Variants in MBP observed in about 807,000 individuals in gnomAD.
MBP encodes the protein Golli-MBP.
A neutral mutation model predicts 35.8 loss-of-function variants in MBP; 16 were observed. The ratio of observed to expected loss-of-function variants is 0.45; its 90% CI spans 0.30 to 0.68. MBP has a LOEUF of 0.68. Among genes scored for constraint, MBP ranks in the 30% least tolerant of loss-of-function variants. The probability of loss-of-function intolerance (pLI) is 0.08; values close to 1 mark genes in which losing one functional copy is unlikely to be tolerated. For synonymous variants in MBP, 143 were observed against 159.6 expected (o/e 0.90, Z 0.78); for missense variants, 380 against 404.7 (o/e 0.94, Z 0.52).
At chr18:76,987,045 T>A (rs911787218) in intron 7 of MBP, 5 of 985,232 alleles carry the variant, frequency 5.1e-6, no homozygotes. Context: ...AAAGAGAAAT[T>A]CAACAGACAT....
chr18:77,122,903 A>G (rs1175554634), intron 1 of MBP, among the ~76,000 whole-genome samples: 1 of 152,000 alleles, frequency 6.6e-6, no homozygotes, highest in Non-Finnish European at 1.5e-5. Context: ...AGTCTACTCT[A>G]CTCCTCTACC....
At chr18:77,019,032 TCATCCATC>T (rs10526394) in intron 3 of MBP, among the ~76,000 whole-genome samples, 19,968 of 138,548 alleles carry the variant, frequency 0.14, 1,670 homozygotes, top group South Asian at 0.26. Context: ...ACCTACCTGT[TCATCCATC>T]CATCCATCCA....
rs192710079 is a variant in MBP at position 77,029,885 on chromosome 18, C to G, written c.140-12617G>C. Among the ~76,000 whole-genome samples the G allele has an allele frequency of 1.1e-4, 17 of 152,140 alleles. No individual in the cohort carries two copies. In the East Asian group the frequency reaches 3.1e-3, roughly 28 times the overall value. ...TTTAGCCCGGAAACTAATAATTTTC[C>G]TGGCTCAAAAATCCAGGTTTCCAGC... On this transcript the variant is annotated intron_variant, in intron 3 of 8. Coordinates refer to ENST00000355994, the MANE Select transcript of MBP (RefSeq NM_001025101.2).
rs1352787306 is a variant in MBP at position 76,984,898 on chromosome 18, C to T, written c.751-4G>A. 2.5e-6 allele frequency: 4 copies of T among 1,612,846 alleles called. No homozygotes were observed. Among genetic ancestry groups the T allele is most frequent in the African/African-American group, 1.3e-5 (1 of 74,928 alleles). On this transcript the variant is annotated splice_polypyrimidine_tract_variant and splice_region_variant and intron_variant, in intron 7 of 8. Coordinates refer to ENST00000355994, the MANE Select transcript of MBP (RefSeq NM_001025101.2). ...CTGGTCTCTGGCCTTCGGCCCCCTG[C>T]AAGAGAAGACCACGGAGCTCAACCT...
chr18:77,122,210 C>T (rs140224740), intron 1 of MBP, among the ~76,000 whole-genome samples: 143 of 152,268 alleles, frequency 9.4e-4, no homozygotes, highest in African/African-American at 3.4e-3. Context: ...CATGTTTTAA[C>T]AGTTTTCCAG....
rs1347025299 is a variant in MBP, at chr18:77,044,468, T to A, written c.139+21830A>T. Among the ~76,000 whole-genome samples, 1 of 152,012 alleles carries A rather than the reference T, an allele frequency of 6.6e-6. No homozygotes were observed. The highest frequency in any genetic ancestry group is 2.4e-5 in the African/African-American group (1 of 41,398). ...TGCTGTCCTCCTTCCCAGCATGAAGTTCTACTGCAAGGGCCACTCTCCCTG... is the reference window on the plus strand; with the variant it reads ...TGCTGTCCTCCTTCCCAGCATGAAGATCTACTGCAAGGGCCACTCTCCCTG... On this transcript the variant is annotated intron_variant, in intron 3 of 8. Transcript: ENST00000355994. This position sits in a 1 kb window ranked among gnomAD's most constrained non-coding sequence, Gnocchi z 4.4.
Position 76,980,250 on chromosome 18 carries a change from C to CTGT in MBP, c.*174_*176dup. On this transcript the variant is annotated 3_prime_UTR_variant, in exon 9 of 9. Coordinates refer to ENST00000355994, the MANE Select transcript of MBP (RefSeq NM_001025101.2). The stretch of plus-strand genomic sequence containing the variant: ...TTTCTGTTTTCATGTTCTCATTTAA[C>CTGT]TGTTGGCCGGAAATTGCCGGTAGGC... 1 of 725,504 alleles carries CTGT rather than the reference C, an allele frequency of 1.4e-6. No homozygotes were observed. Among genetic ancestry groups the CTGT allele is most frequent in the Non-Finnish European group, 2.5e-6 (1 of 395,424 alleles). 44.9% of individuals were successfully genotyped at this position (725,504 alleles called of 1,614,324 possible).
chr18:77,049,390 T>C (rs1457638505), intron 3 of MBP, among the ~76,000 whole-genome samples: 1 of 152,248 alleles, frequency 6.6e-6, no homozygotes, highest in African/African-American at 2.4e-5. Flanking sequence ...TGCTTATAGC[T>C]GGGTCTCTTT....
At chr18:77,017,295 C>A (rs766521186) in intron 3 of MBP, 27 bp from the exon 4 acceptor site, 11 of 1,494,724 alleles carry the variant, frequency 7.4e-6, no homozygotes, top group Non-Finnish European at 9.8e-6. Context: ...GATATGAATA[C>A]GGGCCTGTGC....
chr18:76,988,553 T>G lies in MBP; in HGVS notation c.718-26A>C, dbSNP rs370740394. 6.2e-7 allele frequency: 1 copy of G among 1,605,186 alleles called. No individual in the cohort carries two copies. Among genetic ancestry groups the G allele is most frequent in the African/African-American group, 1.3e-5 (1 of 74,602 alleles). The stretch of plus-strand genomic sequence containing the variant: ...CTGCATGAGGAAGACAGAGAAATAA[T>G]GACATGGTGGTCAGTGAAGGGAAAG... On this transcript the variant is annotated intron_variant, in intron 6 of 8. Coordinates refer to ENST00000355994, the MANE Select transcript of MBP (RefSeq NM_001025101.2). This position sits in a 1 kb window ranked among gnomAD's most constrained non-coding sequence, Gnocchi z 5.2.
Position 77,009,789 on chromosome 18 carries a change from A to G in MBP, c.576+7043T>C. 4 of 1,427,094 alleles carry G rather than the reference A, an allele frequency of 2.8e-6. No homozygotes were observed. In the South Asian group the frequency reaches 5.0e-5, roughly 18 times the overall value. 88.4% of individuals were successfully genotyped at this position (1,427,094 alleles called of 1,614,324 possible). A position where few individuals can be genotyped will look rare whatever the true frequency, so the allele number is the denominator to read the frequency against. ...CCTGCCCCGAGGGACAGTGGCTGAG[A>G]GCTCAGGAAACGGCAGGTCACCCCT... On this transcript the variant is annotated intron_variant, in intron 4 of 8. Coordinates refer to ENST00000355994, the MANE Select transcript of MBP (RefSeq NM_001025101.2).
intron 4 of MBP, among the ~76,000 whole-genome samples, chr18:76,999,495 G>A (rs570184669): frequency 8.2e-4 from 122 of 149,044 alleles, no homozygotes; most frequent in African/African-American, 3.0e-3. Context: ...TCACTCTGTT[G>A]TCCAGGCTGA....
At chr18:77,107,214 C>A (rs1976307613) in intron 1 of MBP, among the ~76,000 whole-genome samples, 1 of 152,170 alleles carries the variant, frequency 6.6e-6, no homozygotes, top group South Asian at 2.1e-4. Context: ...TAAACACAGG[C>A]AAAAACAGGT....
At chr18:77,078,417 T>C (rs1974749510) in intron 2 of MBP, among the ~76,000 whole-genome samples, 1 of 152,222 alleles carries the variant, frequency 6.6e-6, no homozygotes, top group East Asian at 1.9e-4. Flanking sequence ...CTGAAGCTGC[T>C]CTTCAGCCCT....
chr18:77,083,615 A>G (rs1287680742), intron 2 of MBP, among the ~76,000 whole-genome samples: 4 of 152,232 alleles, frequency 2.6e-5, no homozygotes, highest in Non-Finnish European at 5.9e-5. Flanking sequence ...TGGGTTAACA[A>G]AATGTGGTAT....
At chr18:77,092,947 TTA>T (rs1431918635) in intron 2 of MBP, 3 of 152,370 alleles carry the variant, frequency 2.0e-5, no homozygotes, top group East Asian at 3.9e-4. Context: ...AGAACTGTTG[TTA>T]TGTTTCCATC....
chr18:77,027,818 G>A (rs1972280784), intron 3 of MBP, among the ~76,000 whole-genome samples: 1 of 152,134 alleles, frequency 6.6e-6, no homozygotes. Context: ...CTCCTGAGGA[G>A]CTGTGACTAC....
intron 4 of MBP, chr18:77,016,146 T>G (rs763343509): frequency 1.2e-4 from 113 of 944,110 alleles, no homozygotes; most frequent in Admixed American, 1.5e-4. Flanking sequence ...CTGGACCCCA[T>G]AGCAGAGTTT....
At chr18:77,014,836 A>G (rs1971540279) in intron 4 of MBP, 1 of 985,286 alleles carries the variant, frequency 1.0e-6, no homozygotes, top group Non-Finnish European at 1.2e-6. Flanking sequence ...ATCAAAGGGC[A>G]AGCCTGTTCA....
Sources: gnomAD v4.1 joint callset for allele counts (sites outside exome capture counted in the v4.1 genomes callset) on GRCh38, gnomAD v4.1.1 for gene constraint, Gnocchi (gnomAD v3.1) non-coding constraint, MANE v1.5 for transcripts, NCBI Gene and HGNC (gene_info 2026-07-23, HGNC 2026-07-21) for gene names.